Variants in POT1 observed in about 807,000 individuals in gnomAD.
The protein encoded by POT1 is protection of telomeres 1.
Under a neutral mutation model 78.5 loss-of-function variants are expected in POT1, and 47 were observed. The observed-to-expected ratio is 0.60, with a 90% CI of 0.47 to 0.76. POT1 has a LOEUF of 0.76. Among genes scored for constraint, POT1 ranks in the 30% least tolerant of loss-of-function variants. The pLI is 0.00. For synonymous variants in POT1, 259 were observed against 260.7 expected (o/e 0.99, Z 0.06); for missense variants, 646 against 749.9 (o/e 0.86, Z 1.62).
chr7:124,910,548 G>A (rs1370867485), intron 3 of POT1, among the ~76,000 whole-genome samples: 4 of 151,750 alleles, frequency 2.6e-5, no homozygotes, highest in Non-Finnish European at 5.9e-5. Flanking sequence ...AAAAAAACTG[G>A]TTAAATGTTA....
intron 16 of POT1, chr7:124,828,832 C>G (rs985142297): frequency 2.0e-6 from 1 of 500,800 alleles, no homozygotes; most frequent in Non-Finnish European, 4.0e-6. Flanking sequence ...AAAACAAAAC[C>G]AAGTGTACAA....
chr7:124,856,608 C>T (rs75842379), intron 9 of POT1, among the ~76,000 whole-genome samples: 28 of 152,162 alleles, frequency 1.8e-4, no homozygotes, highest in East Asian at 1.5e-3. Flanking sequence ...GAAAGCACTG[C>T]GATAGGTGCT....
intron 15 of POT1, among the ~76,000 whole-genome samples, chr7:124,834,388 CTTAAAT>C (rs1328051048): frequency 6.6e-6 from 1 of 151,884 alleles, no homozygotes; most frequent in African/African-American, 2.4e-5. Flanking sequence ...CTACAAAGAA[CTTAAAT>C]TTAAAAGAAA....
At chr7:124,914,592 G>A (rs1318020667) in intron 3 of POT1, among the ~76,000 whole-genome samples, 1 of 152,050 alleles carries the variant, frequency 6.6e-6, no homozygotes, top group Non-Finnish European at 1.5e-5. Context: ...AACCAATTCA[G>A]ACTGAAAAAT....
chr7:124,846,754 G>A (rs1257134874), intron 12 of POT1, among the ~76,000 whole-genome samples, 188 bp downstream of exon 12: 1 of 151,996 alleles, frequency 6.6e-6, no homozygotes, highest in Admixed American at 6.6e-5. Context: ...GTAAAGACAC[G>A]TTATCTTTAT....
chr7:124,908,180 T>A (rs1796810011), intron 3 of POT1, among the ~76,000 whole-genome samples: 1 of 151,996 alleles, frequency 6.6e-6, no homozygotes, highest in African/African-American at 2.4e-5. Flanking sequence ...TCTTGTTAGG[T>A]TACCATATTT....
chr7:124,841,371 T>G (rs774405533), intron 13 of POT1, among the ~76,000 whole-genome samples, 193 bp from the exon 14 acceptor site: 1 of 151,978 alleles, frequency 6.6e-6, no homozygotes, highest in African/African-American at 2.4e-5. Flanking sequence ...GATAATTATT[T>G]GATATTTTGT....
chr7:124,835,500 TAAAAGAC>T, intron 14 of POT1, 86 bp from the exon 15 acceptor site: 2 of 1,383,992 alleles, frequency 1.4e-6, no homozygotes, highest in Non-Finnish European at 2.0e-6. Flanking sequence ...TGAGGTATAA[TAAAAGAC>T]TAAAGGAATT....
At chr7:124,896,723 T>C (rs1365488533) in intron 5 of POT1, among the ~76,000 whole-genome samples, 2 of 151,668 alleles carry the variant, frequency 1.3e-5, no homozygotes, top group Non-Finnish European at 3.0e-5. Flanking sequence ...GGGAAAATGG[T>C]TAAAAAGAAA....
intron 16 of POT1, among the ~76,000 whole-genome samples, chr7:124,828,464 ATAAC>A (rs774513091): frequency 1.3e-5 from 2 of 152,206 alleles, no homozygotes; most frequent in Non-Finnish European, 2.9e-5. Context: ...TTTAAACAGT[ATAAC>A]TAATTAACAG....
At chr7:124,863,846 A>G (rs533011953) in intron 7 of POT1, among the ~76,000 whole-genome samples, 1 of 152,260 alleles carries the variant, frequency 6.6e-6, no homozygotes, top group Admixed American at 6.5e-5. Context: ...AGTATCATGG[A>G]AACTGTGAAC....
intron 6 of POT1, among the ~76,000 whole-genome samples, chr7:124,880,841 A>G (rs1030108804): frequency 1.9e-4 from 29 of 152,050 alleles, no homozygotes; most frequent in African/African-American, 7.0e-4. Context: ...ACTGAGTCCA[A>G]GAGAGCAGCA....
intron 15 of POT1, among the ~76,000 whole-genome samples, chr7:124,834,545 T>A (rs1055653202): frequency 6.6e-6 from 1 of 152,132 alleles, no homozygotes; most frequent in African/African-American, 2.4e-5. Context: ...CACAATGAGA[T>A]ACCATCTCAC....
chr7:124,883,303 G>A (rs1796165553), intron 6 of POT1, among the ~76,000 whole-genome samples: 1 of 151,966 alleles, frequency 6.6e-6, no homozygotes, highest in Non-Finnish European at 1.5e-5. Context: ...AAACAGAAAA[G>A]TAGAGTTTTA....
intron 9 of POT1, 21 bp downstream of exon 9, chr7:124,858,936 T>G (rs1795512470): frequency 6.5e-7 from 1 of 1,545,044 alleles, no homozygotes; most frequent in Non-Finnish European, 8.8e-7. Flanking sequence ...TAAAATAACA[T>G]TTTTTCCTAC....
At chr7:124,880,161 T>TA (rs914844170) in intron 6 of POT1, among the ~76,000 whole-genome samples, 30 of 150,632 alleles carry the variant, frequency 2.0e-4, no homozygotes, top group African/African-American at 4.4e-4. Context: ...GGTTTGCCAA[T>TA]AAAAAAAAAC....
Position 124,892,246 on chromosome 7 carries a change from CCA to C in POT1, c.124+18_124+19del, listed in dbSNP as rs1249227161. On this transcript the variant is annotated intron_variant, in intron 6 of 18. Coordinates refer to ENST00000357628, the MANE Select transcript of POT1 (RefSeq NM_015450.3). ...TAATGCATTTCCACTCCAAAAAACTCCACCAGTTTTAATACCTACCAGTTCCT... is the reference window on the plus strand; with the variant it reads ...TAATGCATTTCCACTCCAAAAAACTCCCAGTTTTAATACCTACCAGTTCCT... The C allele has an allele frequency of 1.4e-6, 2 of 1,413,744 alleles. No homozygotes were observed. The allele number at this position is 1,413,744 out of a possible 1,614,324, so 87.6% of individuals were successfully genotyped here. A position where few individuals can be genotyped will look rare whatever the true frequency, so the allele number is the denominator to read the frequency against.
Position 124,853,147 on chromosome 7 carries a change from T to C in POT1, c.703-9A>G, listed in dbSNP as rs558549708. On this transcript the variant is annotated splice_polypyrimidine_tract_variant and intron_variant, in intron 9 of 18. Coordinates refer to ENST00000357628, the MANE Select transcript of POT1 (RefSeq NM_015450.3). ...CTAAGAAAGCTTCCAACCTAAAAAA[T>C]AGATCATTTGTTATTTAGAAAGTGG... 9.7e-6 allele frequency: 15 copies of C among 1,548,668 alleles called. No homozygotes were observed. The highest frequency in any genetic ancestry group is 9.5e-5 in the South Asian group (8 of 84,422).
At chr7:124,851,241 C>A (rs770231354) in intron 11 of POT1, among the ~76,000 whole-genome samples, 1 of 152,032 alleles carries the variant, frequency 6.6e-6, no homozygotes, top group African/African-American at 2.4e-5. Context: ...AGTTTGAAGC[C>A]GCAGTGAGCT....
Sources: allele counts gnomAD v4.1 joint callset (sites outside exome capture counted in the v4.1 genomes callset), GRCh38; gene constraint gnomAD v4.1.1; transcripts MANE v1.5; gene names NCBI Gene and HGNC (gene_info 2026-07-23, HGNC 2026-07-21).